Variants in GRM8 observed in about 807,000 individuals in gnomAD.
GRM8 encodes glutamate metabotropic receptor 8.
A neutral mutation model predicts 87.2 loss-of-function variants in GRM8; 47 were observed. The observed-to-expected ratio is 0.54, with a 90% CI of 0.43 to 0.69. GRM8 has a LOEUF of 0.69. Among genes scored for constraint, GRM8 ranks in the 30% least tolerant of loss-of-function variants. GRM8 has a pLI of 0.00. For synonymous variants in GRM8, 396 were observed against 404.5 expected (o/e 0.98, Z 0.25); for missense variants, 1,019 against 1,139.2 (o/e 0.89, Z 1.52).
In GRM8 at chr7:127,182,734, A is replaced by C. The variant is rs910439288; in HGVS notation, c.510+59961T>G. Reference sequence around the variant, plus strand: ...TGCAGCCATAAAAATGGATAAATTAACAGCACTTGCAGTCACTTAGATGAG... The same window carrying C: ...TGCAGCCATAAAAATGGATAAATTACCAGCACTTGCAGTCACTTAGATGAG... On this transcript the variant is annotated intron_variant, in intron 2 of 10. Transcript: ENST00000339582. 2.6e-5 allele frequency among the ~76,000 whole-genome samples: 4 copies of C among 151,750 alleles called. No homozygotes were observed. In the South Asian group the frequency reaches 8.3e-4, roughly 32 times the overall value.
intron 7 of GRM8, among the ~76,000 whole-genome samples, chr7:126,620,241 T>A (rs73224986): frequency 0.13 from 20,176 of 152,122 alleles, 1,677 homozygotes; most frequent in Non-Finnish European, 0.18. Context: ...TGAACTAGAA[T>A]TGCGCTACTG....
chr7:127,157,445 T>A (rs559348833), intron 2 of GRM8, among the ~76,000 whole-genome samples: 46 of 152,288 alleles, frequency 3.0e-4, no homozygotes, highest in African/African-American at 1.0e-3. Context: ...AAATTGTTAT[T>A]AATTGCATAA....
intron 3 of GRM8, among the ~76,000 whole-genome samples, chr7:126,917,373 CCACACA>C (rs71312846): frequency 1.4e-5 from 2 of 148,068 alleles, no homozygotes; most frequent in African/African-American, 5.0e-5. Context: ...CCTCCTCCAA[CCACACA>C]CACACACACA....
chr7:126,773,135 C>T (rs542000319), intron 6 of GRM8, among the ~76,000 whole-genome samples: 4 of 152,204 alleles, frequency 2.6e-5, no homozygotes, highest in South Asian at 2.1e-4. Flanking sequence ...GGAAATCTAA[C>T]GTTCCAGGTT....
intron 8 of GRM8, among the ~76,000 whole-genome samples, chr7:126,549,904 A>T (rs1338306019): frequency 6.6e-6 from 1 of 152,146 alleles, no homozygotes; most frequent in Non-Finnish European, 1.5e-5. Context: ...ATAAAACAGG[A>T]TTACATTATC....
intron 7 of GRM8, among the ~76,000 whole-genome samples, chr7:126,667,627 G>A (rs987858561): frequency 1.1e-4 from 16 of 152,334 alleles, no homozygotes; most frequent in African/African-American, 3.6e-4. Context: ...AGGTGGAAGG[G>A]AAGCACAACT....
chr7:127,078,388 G>T lies in GRM8; in HGVS notation c.727+28108C>A, dbSNP rs138579845. ...CTCCTCTAGCACAGTTCCTGGCATA[G>T]AATTGGTGTTTAATAATCCTTGTAG... On this transcript the variant is annotated intron_variant, in intron 3 of 10. Transcript: ENST00000339582. Among the ~76,000 whole-genome samples the T allele has an allele frequency of 9.8e-5, 15 of 152,306 alleles. No individual in the cohort carries two copies. In the East Asian group the frequency reaches 2.9e-3, roughly 29 times the overall value.
At chr7:126,723,781 A>G (rs540734124) in intron 7 of GRM8, among the ~76,000 whole-genome samples, 3 of 152,300 alleles carry the variant, frequency 2.0e-5, no homozygotes, top group Non-Finnish European at 4.4e-5. Flanking sequence ...AGCAAACTCT[A>G]TGTCTCCTAA....
chr7:127,103,699 A>T (rs2133054142), intron 3 of GRM8, among the ~76,000 whole-genome samples: 1 of 152,340 alleles, frequency 6.6e-6, no homozygotes, highest in South Asian at 2.1e-4. Flanking sequence ...ATAATTCACT[A>T]AACAAACTAT....
chr7:126,756,121 T>A (rs976204469), intron 7 of GRM8, among the ~76,000 whole-genome samples: 1 of 151,842 alleles, frequency 6.6e-6, no homozygotes, highest in Non-Finnish European at 1.5e-5. Context: ...CAATTGAGTA[T>A]GGGCAAAAGT....
chr7:126,684,183 C>T (rs866031176), intron 7 of GRM8, among the ~76,000 whole-genome samples: 1 of 151,996 alleles, frequency 6.6e-6, no homozygotes, highest in Non-Finnish European at 1.5e-5. Context: ...ATGGAGTGGG[C>T]GGTGTAGGCT....
intron 7 of GRM8, among the ~76,000 whole-genome samples, chr7:126,644,082 G>A (rs755885250): frequency 6.6e-6 from 1 of 152,188 alleles, no homozygotes; most frequent in Non-Finnish European, 1.5e-5. Flanking sequence ...TTCTAAAGTC[G>A]ATGGTGAATC....
At chr7:127,102,301 G>T (rs1825361653) in intron 3 of GRM8, among the ~76,000 whole-genome samples, 1 of 152,194 alleles carries the variant, frequency 6.6e-6, no homozygotes. Flanking sequence ...TTCAGGAGAA[G>T]AATTTAAGCA....
At chr7:126,986,344 C>T (rs1267694411) in intron 3 of GRM8, among the ~76,000 whole-genome samples, 1 of 152,106 alleles carries the variant, frequency 6.6e-6, no homozygotes, top group Non-Finnish European at 1.5e-5. Context: ...TCATAACCTG[C>T]TTTAGTAATC....
chr7:126,683,480 A>C (rs1456878908), intron 7 of GRM8, among the ~76,000 whole-genome samples: 4 of 152,218 alleles, frequency 2.6e-5, no homozygotes, highest in Non-Finnish European at 5.9e-5. Context: ...TTCAACTCAC[A>C]ACATAAAGTG....
chr7:126,824,145 T>C (rs905420627), intron 6 of GRM8, among the ~76,000 whole-genome samples: 1 of 152,196 alleles, frequency 6.6e-6, no homozygotes, highest in Non-Finnish European at 1.5e-5. Flanking sequence ...TAAAATATGG[T>C]CATCACTGTT....
chr7:126,959,215 A>C (rs905890631), intron 3 of GRM8, among the ~76,000 whole-genome samples: 1 of 152,194 alleles, frequency 6.6e-6, no homozygotes, highest in Non-Finnish European at 1.5e-5. Context: ...TGAAAGAAAA[A>C]CACCACAATA....
intron 6 of GRM8, among the ~76,000 whole-genome samples, chr7:126,859,786 T>G (rs532051185): frequency 1.3e-5 from 2 of 152,294 alleles, no homozygotes; most frequent in South Asian, 4.1e-4. Context: ...GTGAACAAGA[T>G]TCCACTTTCT....
chr7:127,147,785 T>C (rs996738445), intron 2 of GRM8, among the ~76,000 whole-genome samples: 1 of 151,968 alleles, frequency 6.6e-6, no homozygotes, highest in African/African-American at 2.4e-5. Flanking sequence ...TGTTTTTATG[T>C]TGTTTACCCA....
Sources: gnomAD v4.1 joint callset for allele counts (sites outside exome capture counted in the v4.1 genomes callset) on GRCh38, gnomAD v4.1.1 for gene constraint, MANE v1.5 for transcripts, NCBI Gene and HGNC (gene_info 2026-07-23, HGNC 2026-07-21) for gene names.